GEMIN7: variants seen among roughly 807,000 people sequenced by gnomAD.
GEMIN7 encodes gem nuclear organelle associated protein 7, also known as gem-associated protein 7.
A neutral mutation model predicts 7.8 loss-of-function variants in GEMIN7; 7 were observed. The observed-to-expected ratio is 0.90, with a 90% CI of 0.51 to 1.69. The LOEUF is 1.69. Among genes scored for constraint, GEMIN7 ranks in the 40% most tolerant of loss-of-function variants. The pLI, the probability that GEMIN7 is intolerant of heterozygous loss-of-function variation, is 0.00. For missense variants in GEMIN7, 159 were observed against 176.2 expected (o/e 0.90, Z 0.55); for synonymous variants, 68 against 72.4 (o/e 0.94, Z 0.31).
upstream of GEMIN7, chr19:45,076,033 G>A (rs1031082019): frequency 6.4e-7 from 1 of 1,571,500 alleles, no homozygotes; most frequent in Non-Finnish European, 8.6e-7. This position sits in a 1 kb window ranked among gnomAD's most constrained non-coding sequence, Gnocchi z 4.9. Flanking sequence ...CCACCCGAGG[G>A]TCAAAGGTAA....
In GEMIN7 at chr19:45,090,622, T is replaced by C. The variant is rs1967866869; in HGVS notation, c.*112T>C. On this transcript the variant is annotated 3_prime_UTR_variant, in exon 3 of 3. Coordinates refer to ENST00000270257, the MANE Select transcript of GEMIN7 (RefSeq NM_024707.3). ...TGGAGTTATGAGCTCCCTTGGAATT[T>C]TGAGCCAAGCTTTAAGCAAGTCTGG... 3.6e-6 allele frequency: 4 copies of C among 1,107,470 alleles called. No individual in the cohort carries two copies. The highest frequency in any genetic ancestry group is 3.1e-5 in the South Asian group (2 of 64,980). 68.6% of individuals were successfully genotyped at this position (1,107,470 alleles called of 1,614,324 possible).
intron 2 of GEMIN7, among the ~76,000 whole-genome samples, chr19:45,087,437 C>G (rs1345226338): frequency 6.6e-6 from 1 of 152,050 alleles, no homozygotes; most frequent in Non-Finnish European, 1.5e-5. Flanking sequence ...GCCGCCATGC[C>G]CAGCTCATTC....
At position 45,090,094 on chromosome 19, in the gene GEMIN7, C is replaced by T; in HGVS notation, c.-8-13C>T. ...CATGTAATGACTTCCTGCTCTTTTT[C>T]TTCACTCAACAGCCAAGACAATGCA... On this transcript the variant is annotated splice_polypyrimidine_tract_variant and intron_variant, in intron 2 of 2. Transcript: ENST00000270257. 6.3e-7 allele frequency: 1 copy of T among 1,587,782 alleles called. No homozygotes were observed. The highest frequency in any genetic ancestry group is 8.6e-7 in the Non-Finnish European group (1 of 1,163,584).
At chr19:45,078,581 CCTA>C (rs1967403642), upstream of GEMIN7, among the ~76,000 whole-genome samples, 1 of 152,132 alleles carries the variant, frequency 6.6e-6, no homozygotes, top group Non-Finnish European at 1.5e-5. Context: ...TTATTGCGCA[CCTA>C]CTATGTGTCT....
intron 2 of GEMIN7, among the ~76,000 whole-genome samples, chr19:45,083,183 C>T (rs1203765032): frequency 6.6e-6 from 1 of 152,234 alleles, no homozygotes; most frequent in African/African-American, 2.4e-5. Flanking sequence ...CGGTAGCTCA[C>T]GCCTGTAATC....
chr19:45,076,877 C>T (rs1043360363), upstream of GEMIN7: 1 of 152,704 alleles, frequency 6.5e-6, no homozygotes, highest in African/African-American at 2.4e-5. This position sits in a 1 kb window ranked among gnomAD's most constrained non-coding sequence, Gnocchi z 4.9. Flanking sequence ...GTTTGAAGCC[C>T]TGAGAATACA....
At chr19:45,090,071 T>C (rs774054115) in intron 2 of GEMIN7, 36 bp from the exon 3 acceptor site, 10 of 1,573,542 alleles carry the variant, frequency 6.4e-6, no homozygotes, top group Non-Finnish European at 7.8e-6. Flanking sequence ...ATGCTTACCA[T>C]GTAATGACTT....
At chr19:45,089,107 A>G (rs1205342106) in intron 2 of GEMIN7, among the ~76,000 whole-genome samples, 3 of 151,840 alleles carry the variant, frequency 2.0e-5, no homozygotes, top group Non-Finnish European at 4.4e-5. Context: ...ACACCCGGCT[A>G]ATTTTTGTAT....
chr19:45,082,783 C>A lies in GEMIN7; in HGVS notation c.-9+2754C>A, dbSNP rs1289300095. On this transcript the variant is annotated intron_variant, in intron 2 of 2. Coordinates refer to ENST00000270257, the MANE Select transcript of GEMIN7 (RefSeq NM_024707.3). ...CTAGTCGCACACTACCCATGCCCAG[C>A]TAATTTTTTTTTTTTTTTGTAGAGA... 2.7e-5 allele frequency among the ~76,000 whole-genome samples: 3 copies of A among 109,882 alleles called. No individual in the cohort carries two copies. The Admixed American group carries it at 2.9e-4, about 11-fold the overall frequency. The allele number at this position is 109,882 out of a possible 152,430, so 72.1% of individuals were successfully genotyped here.
At chr19:45,081,852 A>G (rs534818601) in intron 2 of GEMIN7, among the ~76,000 whole-genome samples, 1 of 151,984 alleles carries the variant, frequency 6.6e-6, no homozygotes, top group African/African-American at 2.4e-5. Flanking sequence ...TCTCATCCTG[A>G]CCTCAGGCGA....
intron 2 of GEMIN7, among the ~76,000 whole-genome samples, chr19:45,087,979 T>TCG (rs1967757939): frequency 1.4e-5 from 2 of 139,644 alleles, no homozygotes; most frequent in Non-Finnish European, 3.1e-5. Context: ...AGAGTCTTGC[T>TCG]CTGTCGCCCA....
At chr19:45,080,765 GTTTTTTTT>G (rs57306662) in intron 2 of GEMIN7, among the ~76,000 whole-genome samples, 2 of 135,652 alleles carry the variant, frequency 1.5e-5, no homozygotes, top group Non-Finnish European at 3.1e-5. Context: ...CTTGTTTTTT[GTTTTTTTT>G]TTTTTTTTTC....
Position 45,088,060 on chromosome 19 carries a change from C to T in GEMIN7, c.-8-2047C>T, listed in dbSNP as rs1175310824. ...TCCCAAGTTCAAGTGACTCTCCTGC[C>T]TCGGCCTCCTGAGTAGCTGGGATTA... On this transcript the variant is annotated intron_variant, in intron 2 of 2. Transcript: ENST00000270257. Among the ~76,000 whole-genome samples the T allele has an allele frequency of 3.3e-5, 5 of 151,342 alleles. No homozygotes were observed. The South Asian group carries it at 8.4e-4, about 25-fold the overall frequency.
At chr19:45,086,244 C>CA (rs752080214) in intron 2 of GEMIN7, among the ~76,000 whole-genome samples, 14 of 151,726 alleles carry the variant, frequency 9.2e-5, no homozygotes, top group Non-Finnish European at 1.5e-4. Flanking sequence ...GCCTGGGTGA[C>CA]AGAGTGAGAC....
At position 45,085,262 on chromosome 19, in the gene GEMIN7, C is replaced by T. The variant is rs567926567; in HGVS notation, c.-8-4845C>T. 2.0e-5 allele frequency: 3 copies of T among 152,342 alleles called. No homozygotes were observed. In the East Asian group the frequency reaches 5.8e-4, roughly 29 times the overall value. 9.4% of individuals were successfully genotyped at this position (152,342 alleles called of 1,614,324 possible). On this transcript the variant is annotated intron_variant, in intron 2 of 2. Transcript: ENST00000270257. ...TAGCCATCTTTATTCCTTCCTCCCT[C>T]TTTGTGACCTGTTTGTCTGCATCAG...
intron 2 of GEMIN7, among the ~76,000 whole-genome samples, chr19:45,087,733 G>C (rs955113277): frequency 6.6e-6 from 1 of 151,964 alleles, no homozygotes; most frequent in Non-Finnish European, 1.5e-5. Flanking sequence ...GAGCAGAGGA[G>C]GGATATGATC....
chr19:45,076,026 C>T, upstream of GEMIN7: 1 of 1,570,608 alleles, frequency 6.4e-7, no homozygotes. This position sits in a 1 kb window ranked among gnomAD's most constrained non-coding sequence, Gnocchi z 4.9. Flanking sequence ...AAGGGTCCCA[C>T]CCGAGGGTCA....
chr19:45,083,000 C>T (rs1967552486), intron 2 of GEMIN7, among the ~76,000 whole-genome samples: 1 of 152,128 alleles, frequency 6.6e-6, no homozygotes, highest in African/African-American at 2.4e-5. Context: ...TGTTGGAGAA[C>T]AGCCATGTTC....
intron 2 of GEMIN7, chr19:45,085,286 A>T (rs1967643161): frequency 6.6e-6 from 1 of 152,126 alleles, no homozygotes. Context: ...TGTCTGCATC[A>T]GTGTTTCATT....
Sources: allele counts gnomAD v4.1 joint callset (sites outside exome capture counted in the v4.1 genomes callset), GRCh38; gene constraint gnomAD v4.1.1; non-coding constraint Gnocchi (gnomAD v3.1); transcripts MANE v1.5; gene names NCBI Gene and HGNC (gene_info 2026-07-23, HGNC 2026-07-21).